Variants in USH1C observed in about 807,000 individuals in gnomAD.
USH1C encodes harmonin.
In USH1C, 90 loss-of-function variants were observed where a neutral mutation model predicts 119.3. That is an observed-to-expected ratio of 0.75 (90% CI 0.64 to 0.90). The LOEUF (loss-of-function observed/expected upper bound fraction) is 0.90, where lower values mean the gene tolerates loss of function less well. USH1C is among the 40% of genes least tolerant of loss of function. USH1C has a pLI of 0.00. For synonymous variants in USH1C, 465 were observed against 443.3 expected (o/e 1.05, Z -0.62); for missense variants, 1,165 against 1,167.7 (o/e 1.00, Z 0.03).
chr11:17,541,757 C>G (rs1215365157), intron 1 of USH1C, among the ~76,000 whole-genome samples: 1 of 152,218 alleles, frequency 6.6e-6, no homozygotes, highest in Non-Finnish European at 1.5e-5. Flanking sequence ...TGCCTGGAGC[C>G]TGTTGGCTCC....
intron 13 of USH1C, 83 bp from the exon 14 acceptor site, chr11:17,521,077 C>T (rs1591999676): frequency 6.3e-7 from 1 of 1,578,686 alleles, no homozygotes; most frequent in Non-Finnish European, 8.7e-7. Context: ...CCCAGCCAGC[C>T]TGGGGAGAAG....
rs564850239 is a variant in USH1C, at chr11:17,496,231, G to A, written c.2546+527C>T. On this transcript the variant is annotated intron_variant, in intron 25 of 26. Coordinates refer to ENST00000005226, the MANE Select transcript of USH1C (RefSeq NM_153676.4). ...AGGAGAGAAGACAGAGAGACCCACA[G>A]GACACAAGAGACAGACACACAGGGA... Among the ~76,000 whole-genome samples, 38 of 152,242 alleles carry A rather than the reference G, an allele frequency of 2.5e-4. No individual in the cohort carries two copies. The South Asian group carries it at 3.9e-3, about 16-fold the overall frequency.
intron 1 of USH1C, among the ~76,000 whole-genome samples, chr11:17,541,403 T>C (rs1851459654): frequency 6.6e-6 from 1 of 152,220 alleles, no homozygotes; most frequent in Admixed American, 6.5e-5. Flanking sequence ...AAATGAATGA[T>C]TAACAAATTC....
chr11:17,520,064 C>G (rs1326735803), intron 14 of USH1C, among the ~76,000 whole-genome samples: 1 of 152,192 alleles, frequency 6.6e-6, no homozygotes, highest in East Asian at 1.9e-4. Flanking sequence ...AACTATAAGT[C>G]AAAACAGCTG....
chr11:17,505,841 A>G lies in USH1C; in HGVS notation c.2122T>C (p.Ser708Pro), dbSNP rs1849626756. ...CCCAAGGGGCTTACCAGAACTTCAG[A>G]TTTCACAGCTGGCCTGTAGATGAAA... is the stretch of plus-strand genomic sequence containing the variant. The part of the protein sequence containing the change: ...PNFIYRPAVK[S>P]EVLPQEMLKR... The change falls in exon 19 of 27, where the codon TCT (serine) becomes CCT (proline). Residue 708 changes from serine (S) to proline (P), a missense_variant. Coordinates refer to ENST00000005226, the MANE Select transcript of USH1C (RefSeq NM_153676.4). 9 of 1,614,054 alleles carry G rather than the reference A, an allele frequency of 5.6e-6. No homozygotes were observed. The highest frequency in any genetic ancestry group is 7.6e-6 in the Non-Finnish European group (9 of 1,179,966).
intron 15 of USH1C, chr11:17,514,392 A>G (rs1850041556): frequency 6.6e-6 from 1 of 152,072 alleles, no homozygotes; most frequent in Admixed American, 6.6e-5. Flanking sequence ...CTAATTTTTG[A>G]ATTTTTAATA....
rs374696855 is a variant in USH1C at position 17,495,633 on chromosome 11, C to A, written c.2591G>T (p.Arg864Leu). The A allele has an allele frequency of 6.2e-7, 1 of 1,614,194 alleles. No individual in the cohort carries two copies. The highest frequency in any genetic ancestry group is 8.5e-7 in the Non-Finnish European group (1 of 1,180,042). Reference sequence around the variant, plus strand: ...GGCAGCACGGTCTTCAAGGAGCTTTCGGACCGGTTGGGGGCTTTCAGCTAC... The same window carrying A: ...GGCAGCACGGTCTTCAAGGAGCTTTAGGACCGGTTGGGGGCTTTCAGCTAC... ...SSVAESPQPV[R>L]KLLEDRAAVH... The change falls in exon 26 of 27, where the codon CGA becomes CTA. Residue 864 changes from arginine to leucine, a missense_variant. Coordinates refer to ENST00000005226, the MANE Select transcript of USH1C (RefSeq NM_153676.4).
At chr11:17,517,871 T>G (rs1310349795) in intron 14 of USH1C, among the ~76,000 whole-genome samples, 1 of 152,190 alleles carries the variant, frequency 6.6e-6, no homozygotes, top group Non-Finnish European at 1.5e-5. Flanking sequence ...GCCTTGTGCT[T>G]ATCACCCTTG....
chr11:17,505,242 G>A (rs1849604706), intron 19 of USH1C, among the ~76,000 whole-genome samples: 2 of 152,250 alleles, frequency 1.3e-5, no homozygotes, highest in Non-Finnish European at 1.5e-5. Flanking sequence ...TGGAGAAAGG[G>A]AGTGAACCTG....
chr11:17,505,916 G>T lies in USH1C; in HGVS notation c.2047C>A (p.Pro683Thr). Residue 683 changes from proline (P) to threonine (T), a missense_variant, in exon 19 of 27, where the codon CCT becomes ACT. Pro to Thr is a conservative substitution (Grantham distance 38). Coordinates refer to ENST00000005226, the MANE Select transcript of USH1C (RefSeq NM_153676.4). ...FCPSPQPPRG[P>T]GVSTISKPVM... ...GGTTTGGAGATGGTGGACACGCCAG[G>T]GCCTCGTGGAGGCTGTGGGCTTGGG... 3.1e-6 allele frequency: 5 copies of T among 1,614,204 alleles called. No homozygotes were observed. The highest frequency in any genetic ancestry group is 8.5e-7 in the Non-Finnish European group (1 of 1,180,038).
At chr11:17,539,898 C>CCACA (rs1483055641) in intron 1 of USH1C, among the ~76,000 whole-genome samples, 2 of 148,620 alleles carry the variant, frequency 1.3e-5, no homozygotes, top group African/African-American at 5.0e-5. Context: ...AGTGGTGTGA[C>CCACA]CACAGCTCAC....
chr11:17,521,055 A>G (rs1850390462), intron 13 of USH1C, 61 bp from the exon 14 acceptor site: 2 of 1,608,216 alleles, frequency 1.2e-6, no homozygotes, highest in Non-Finnish European at 1.7e-6. Context: ...CATCTCCTGC[A>G]TATCGGAGAG....
chr11:17,524,478 G>A lies in USH1C; in HGVS notation c.732C>T (p.Gly244=), dbSNP rs1292479601. 6.3e-7 allele frequency: 1 copy of A among 1,574,912 alleles called. No homozygotes were observed. The highest frequency in any genetic ancestry group is 8.6e-7 in the Non-Finnish European group (1 of 1,158,546). ...CCAATCCCACCTCAGCAGACAGGGA[G>A]CCAGGTTTCACATGGCTGATAAAGA... ...PGIFISHVKP[G]SLSAEVGLEI... The change falls in exon 9 of 27, where the codon GGC becomes GGT. Residue 244 remains glycine (G), a synonymous_variant. Transcript: ENST00000005226.
intron 14 of USH1C, chr11:17,517,319 TG>T (rs1850195845): frequency 1.4e-6 from 2 of 1,406,152 alleles, no homozygotes; most frequent in Non-Finnish European, 9.8e-7. Context: ...CCCCTGAAGC[TG>T]GGTGTCTGCA....
intron 23 of USH1C, among the ~76,000 whole-genome samples, chr11:17,499,257 A>G (rs1202613596): frequency 6.6e-6 from 1 of 152,214 alleles, no homozygotes; most frequent in Non-Finnish European, 1.5e-5. Context: ...TTGTGGCATG[A>G]AGGCCCATAG....
At position 17,521,995 on chromosome 11, in the gene USH1C, A is replaced by AT. The variant is rs987631444; in HGVS notation, c.1020-585dup. 1.5e-4 allele frequency among the ~76,000 whole-genome samples: 23 copies of AT among 151,138 alleles called. No homozygotes were observed. In the East Asian group the frequency reaches 2.1e-3, roughly 14 times the overall value. ...AGTCGCATGCCACTATGCCCAGCTA[A>AT]TTTTTTTTTGTATTTTTAGTAGAGA... is the stretch of plus-strand genomic sequence containing the variant. On this transcript the variant is annotated intron_variant, in intron 12 of 26. Transcript: ENST00000005226.
At chr11:17,534,873 CAAAAA>C (rs59152937) in intron 1 of USH1C, among the ~76,000 whole-genome samples, 2 of 120,738 alleles carry the variant, frequency 1.7e-5, no homozygotes, top group African/African-American at 3.3e-5. Context: ...GACTCCATCT[CAAAAA>C]AAAAAAAAAA....
At chr11:17,502,151 C>T (rs1237962218) in intron 20 of USH1C, 171 bp from the exon 21 acceptor site, 3 of 603,106 alleles carry the variant, frequency 5.0e-6, no homozygotes, top group Admixed American at 3.0e-5. Flanking sequence ...CCCTAGCAGC[C>T]AGGGCACCCC....
chr11:17,531,067 T>C lies in USH1C; in HGVS notation c.387+87A>G. 2.5e-6 allele frequency: 4 copies of C among 1,599,742 alleles called. No individual in the cohort carries two copies. Among genetic ancestry groups the C allele is most frequent in the Non-Finnish European group, 3.4e-6 (4 of 1,172,722 alleles). On this transcript the variant is annotated intron_variant, in intron 4 of 26. Transcript: ENST00000005226. This position sits in a 1 kb window ranked among gnomAD's most constrained non-coding sequence, Gnocchi z 4.2. ...AGGCTCAGAAAAGTGGGTGACCATG[T>C]TGTGCCACACAGCCTAGTGGATGAA...
Sources: allele counts gnomAD v4.1 joint callset (sites outside exome capture counted in the v4.1 genomes callset), GRCh38; gene constraint gnomAD v4.1.1; non-coding constraint Gnocchi (gnomAD v3.1); transcripts MANE v1.5; gene names NCBI Gene and HGNC (gene_info 2026-07-23, HGNC 2026-07-21).